The following GPC6 variants were observed in gnomAD, a reference collection of about 807,000 sequenced individuals.
GPC6 encodes glypican 6.
Under a neutral mutation model 55.2 loss-of-function variants are expected in GPC6, and 14 were observed. The ratio of observed to expected loss-of-function variants is 0.25; its 90% CI spans 0.17 to 0.40. The LOEUF (loss-of-function observed/expected upper bound fraction) is 0.40. Ranked by LOEUF, GPC6 falls within the 10% of genes least tolerant of loss-of-function variation. The pLI is 1.00. For synonymous variants in GPC6, 278 were observed against 259.6 expected (o/e 1.07, Z -0.68); for missense variants, 641 against 708.5 (o/e 0.90, Z 1.08).
intron 4 of GPC6, among the ~76,000 whole-genome samples, chr13:94,071,496 TA>T (rs1884734507): frequency 6.6e-6 from 1 of 152,310 alleles, no homozygotes; most frequent in Admixed American, 6.5e-5. Flanking sequence ...TTGCCTGGCT[TA>T]AAGAAAATTA....
chr13:94,006,000 G>T (rs1594660301), intron 3 of GPC6, among the ~76,000 whole-genome samples: 1 of 152,182 alleles, frequency 6.6e-6, no homozygotes, highest in East Asian at 1.9e-4. Context: ...TCTTTCCTAA[G>T]GGTAAAAATG....
chr13:93,927,942 T>A (rs1216840615), intron 3 of GPC6, among the ~76,000 whole-genome samples: 2 of 151,968 alleles, frequency 1.3e-5, no homozygotes, highest in Non-Finnish European at 2.9e-5. Context: ...ACAATCCAGG[T>A]GTGTCATAAA....
intron 2 of GPC6, among the ~76,000 whole-genome samples, chr13:93,592,214 T>A (rs1226348244): frequency 6.6e-6 from 1 of 151,658 alleles, no homozygotes; most frequent in Non-Finnish European, 1.5e-5. Flanking sequence ...AACTGGAGTG[T>A]TGCTCTGTCA....
intron 4 of GPC6, among the ~76,000 whole-genome samples, chr13:94,218,526 G>A (rs1377014520): frequency 6.6e-6 from 1 of 152,102 alleles, no homozygotes; most frequent in Admixed American, 6.6e-5. Flanking sequence ...CTGCTCTAAG[G>A]TGAGCTCGAA....
At chr13:93,762,333 C>T (rs925830330) in intron 2 of GPC6, among the ~76,000 whole-genome samples, 7 of 152,166 alleles carry the variant, frequency 4.6e-5, no homozygotes, top group African/African-American at 7.2e-5. Flanking sequence ...CAGGAAATTT[C>T]GTTGATAGTG....
chr13:94,192,378 A>G (rs1889422870), intron 4 of GPC6, among the ~76,000 whole-genome samples: 2 of 152,214 alleles, frequency 1.3e-5, no homozygotes, highest in African/African-American at 4.8e-5. Flanking sequence ...CATGGAATCC[A>G]TAATAGCCCA....
At chr13:94,018,649 T>A (rs930796743) in intron 3 of GPC6, among the ~76,000 whole-genome samples, 1 of 152,182 alleles carries the variant, frequency 6.6e-6, no homozygotes, top group African/African-American at 2.4e-5. Context: ...TAAAGACTTT[T>A]TAGTCAACAT....
chr13:94,280,056 C>T (rs541976673), intron 4 of GPC6, among the ~76,000 whole-genome samples: 27 of 152,216 alleles, frequency 1.8e-4, no homozygotes, highest in African/African-American at 6.0e-4. Flanking sequence ...AAGTCTCCCA[C>T]TATTATTGTG....
intron 3 of GPC6, among the ~76,000 whole-genome samples, chr13:94,018,636 T>C (rs1206698257): frequency 2.6e-5 from 4 of 152,184 alleles, no homozygotes; most frequent in Admixed American, 2.0e-4. Flanking sequence ...GATAGTGTTT[T>C]GTTAAAGACT....
At chr13:93,550,421 TG>T (rs1175040214) in intron 2 of GPC6, among the ~76,000 whole-genome samples, 7 of 152,194 alleles carry the variant, frequency 4.6e-5, no homozygotes, top group Admixed American at 3.3e-4. Context: ...TGTATTTTAA[TG>T]ATATACATAT....
chr13:93,400,636 G>C (rs969154373), intron 1 of GPC6, among the ~76,000 whole-genome samples: 2 of 152,136 alleles, frequency 1.3e-5, no homozygotes, highest in Non-Finnish European at 2.9e-5. Flanking sequence ...AATAACACTT[G>C]AGGGGATGGA....
chr13:94,323,539 C>T (rs563856572), intron 6 of GPC6, among the ~76,000 whole-genome samples: 6 of 152,156 alleles, frequency 3.9e-5, no homozygotes, highest in African/African-American at 1.4e-4. Context: ...AGCTAAATAA[C>T]GTGTGCATAT....
At chr13:94,112,775 T>C (rs1323285168) in intron 4 of GPC6, among the ~76,000 whole-genome samples, 1 of 152,142 alleles carries the variant, frequency 6.6e-6, no homozygotes, top group Non-Finnish European at 1.5e-5. Flanking sequence ...AAAAGTGCCA[T>C]TTTATTTTCT....
At chr13:93,549,092 A>G (rs1257181214) in intron 2 of GPC6, among the ~76,000 whole-genome samples, 1 of 152,118 alleles carries the variant, frequency 6.6e-6, no homozygotes, top group Non-Finnish European at 1.5e-5. Flanking sequence ...GATGTTCTCA[A>G]TATGCTCTGT....
At chr13:93,577,011 G>T (rs994800260) in intron 2 of GPC6, among the ~76,000 whole-genome samples, 8 of 152,068 alleles carry the variant, frequency 5.3e-5, no homozygotes, top group African/African-American at 1.7e-4. Flanking sequence ...AACTTTTGGT[G>T]CCAGGCACAA....
intron 4 of GPC6, among the ~76,000 whole-genome samples, chr13:94,066,592 G>T (rs1018724854): frequency 1.3e-5 from 2 of 152,096 alleles, no homozygotes; most frequent in African/African-American, 4.8e-5. Context: ...TAAAGATAAC[G>T]TTGTCCTCAC....
intron 2 of GPC6, among the ~76,000 whole-genome samples, chr13:93,572,385 A>G (rs994239856): frequency 2.0e-5 from 3 of 152,170 alleles, no homozygotes; most frequent in Non-Finnish European, 4.4e-5. Context: ...ACTTGGAATG[A>G]TATATACCAG....
chr13:93,673,232 C>T (rs576534492), intron 2 of GPC6, among the ~76,000 whole-genome samples: 4 of 152,220 alleles, frequency 2.6e-5, no homozygotes, highest in Non-Finnish European at 1.5e-5. Context: ...GTCCTGCTCT[C>T]TATGGCAAAA....
At chr13:93,897,003 C>A (rs1221202553) in intron 3 of GPC6, among the ~76,000 whole-genome samples, 2 of 141,004 alleles carry the variant, frequency 1.4e-5, no homozygotes, top group Non-Finnish European at 3.1e-5. Flanking sequence ...TTTTTTTTAA[C>A]ATTTTCTTAT....
Sources: allele counts gnomAD v4.1 joint callset (sites outside exome capture counted in the v4.1 genomes callset), GRCh38; gene constraint gnomAD v4.1.1; transcripts MANE v1.5; gene names NCBI Gene and HGNC (gene_info 2026-07-23, HGNC 2026-07-21).